GRID1: variants seen among roughly 807,000 people sequenced by gnomAD.
The protein encoded by GRID1 is glutamate receptor ionotropic, delta-1.
In GRID1, 28 loss-of-function variants were observed where a neutral mutation model predicts 98.0. The ratio of observed to expected loss-of-function variants is 0.29; its 90% CI spans 0.21 to 0.39. The LOEUF (loss-of-function observed/expected upper bound fraction) is 0.39, where lower values mean the gene tolerates loss of function less well. Among genes scored for constraint, GRID1 ranks in the 10% least tolerant of loss-of-function variants. The pLI is 1.00. For synonymous variants in GRID1, 553 were observed against 538.5 expected, an observed-to-expected ratio of 1.03 and a Z score of -0.37; for missense variants, 1,111 against 1,340.5, an observed-to-expected ratio of 0.83 and a Z score of 2.67.
intron 2 of GRID1, among the ~76,000 whole-genome samples, chr10:86,232,491 T>C (rs1846472103): frequency 1.3e-5 from 2 of 152,212 alleles, no homozygotes; most frequent in Non-Finnish European, 2.9e-5. Flanking sequence ...CCTCTCCTGT[T>C]GTATTTCCCA....
intron 8 of GRID1, among the ~76,000 whole-genome samples, chr10:85,738,072 C>T (rs1047133760): frequency 1.3e-5 from 2 of 152,046 alleles, no homozygotes; most frequent in African/African-American, 4.8e-5. Flanking sequence ...CTCTTCTCCA[C>T]CAAACCTCCA....
chr10:85,886,962 A>G (rs190645193), intron 5 of GRID1, among the ~76,000 whole-genome samples: 1 of 152,344 alleles, frequency 6.6e-6, no homozygotes, highest in East Asian at 1.9e-4. Flanking sequence ...TCTATCAAAC[A>G]TCTGTGTGAT....
chr10:85,734,254 G>T (rs1841855580), intron 8 of GRID1, among the ~76,000 whole-genome samples: 1 of 152,136 alleles, frequency 6.6e-6, no homozygotes. Flanking sequence ...TGAGTTGGGA[G>T]ATAGGAAGTG....
chr10:85,985,450 AG>A lies in GRID1; in HGVS notation c.727-69212del, dbSNP rs138645394. Among the ~76,000 whole-genome samples the A allele has an allele frequency of 8.3e-3, 1,258 of 152,326 alleles. 23 individuals carry two copies. Among genetic ancestry groups the A allele is most frequent in the African/African-American group, 0.028 (1,178 of 41,574 alleles). The stretch of plus-strand genomic sequence containing the variant: ...TGAATTTGATCGATAAATTAGGAGC[AG>A]CCCCTGTGAATCTAACTAGACGGTC... On this transcript the variant is annotated intron_variant, in intron 4 of 15. Transcript: ENST00000327946.
At chr10:86,310,834 C>T (rs531811626) in intron 2 of GRID1, among the ~76,000 whole-genome samples, 2 of 152,314 alleles carry the variant, frequency 1.3e-5, no homozygotes, top group Admixed American at 1.3e-4. Flanking sequence ...GAATTTACAA[C>T]TTGGCTGTCT....
At chr10:86,275,990 GA>G (rs1044621610) in intron 2 of GRID1, among the ~76,000 whole-genome samples, 5 of 152,166 alleles carry the variant, frequency 3.3e-5, no homozygotes, top group African/African-American at 1.2e-4. Context: ...TCAAACTACT[GA>G]AAGACAAAGA....
intron 12 of GRID1, among the ~76,000 whole-genome samples, chr10:85,684,904 A>T (rs1039300300): frequency 6.6e-6 from 1 of 152,182 alleles, no homozygotes; most frequent in Non-Finnish European, 1.5e-5. Context: ...TTACAAGGCC[A>T]CAGTCATTTT....
chr10:85,742,440 A>T (rs899634221), intron 8 of GRID1, among the ~76,000 whole-genome samples: 1 of 152,174 alleles, frequency 6.6e-6, no homozygotes, highest in African/African-American at 2.4e-5. Context: ...TACCTTTATT[A>T]TATTGTTCCC....
At chr10:85,962,808 T>C (rs1423793639) in intron 4 of GRID1, among the ~76,000 whole-genome samples, 1 of 152,174 alleles carries the variant, frequency 6.6e-6, no homozygotes, top group Non-Finnish European at 1.5e-5. Flanking sequence ...CCTTTCTTCC[T>C]AACCCTCTAC....
chr10:85,716,150 ACCAGTCTCAG>A (rs894775559), intron 12 of GRID1, among the ~76,000 whole-genome samples: 17 of 152,202 alleles, frequency 1.1e-4, no homozygotes, highest in Admixed American at 8.5e-4. Context: ...CAGGTGATTC[ACCAGTCTCAG>A]CCTCCCAAAG....
chr10:85,797,295 T>C (rs1009665473), intron 8 of GRID1, among the ~76,000 whole-genome samples: 1 of 152,200 alleles, frequency 6.6e-6, no homozygotes, highest in Non-Finnish European at 1.5e-5. Flanking sequence ...GTTACATGGG[T>C]ATTGAGCTCA....
chr10:86,163,294 G>T (rs950921822), intron 3 of GRID1, among the ~76,000 whole-genome samples: 9 of 152,194 alleles, frequency 5.9e-5, no homozygotes, highest in African/African-American at 2.2e-4. Flanking sequence ...GCCCAGGTGA[G>T]GCGCTCCATG....
At chr10:85,780,720 G>A (rs922187425) in intron 8 of GRID1, among the ~76,000 whole-genome samples, 1 of 152,216 alleles carries the variant, frequency 6.6e-6, no homozygotes, top group Non-Finnish European at 1.5e-5. Flanking sequence ...TTTCCACTCT[G>A]CCATGCTGTG....
chr10:85,626,335 C>T (rs1184952470), intron 13 of GRID1, among the ~76,000 whole-genome samples: 1 of 152,238 alleles, frequency 6.6e-6, no homozygotes, highest in Non-Finnish European at 1.5e-5. Context: ...TCTGTGCTGT[C>T]TCCTCTGCCC....
chr10:86,215,999 A>G (rs1846172518), intron 2 of GRID1, among the ~76,000 whole-genome samples: 1 of 151,940 alleles, frequency 6.6e-6, no homozygotes, highest in Non-Finnish European at 1.5e-5. Context: ...TCTAATCTCT[A>G]TCTTTGCACG....
chr10:86,236,490 G>A (rs1846541222), intron 2 of GRID1, among the ~76,000 whole-genome samples: 1 of 152,180 alleles, frequency 6.6e-6, no homozygotes, highest in Non-Finnish European at 1.5e-5. Flanking sequence ...ATCCCTAGAA[G>A]TCAAGGTCTG....
intron 2 of GRID1, among the ~76,000 whole-genome samples, chr10:86,246,140 T>C (rs560343005): frequency 3.9e-5 from 6 of 152,342 alleles, no homozygotes; most frequent in Admixed American, 2.6e-4. Context: ...CACCAGAATC[T>C]GGGAACCAGG....
intron 2 of GRID1, among the ~76,000 whole-genome samples, chr10:86,210,878 G>T (rs1161701021): frequency 6.6e-6 from 1 of 152,258 alleles, no homozygotes; most frequent in East Asian, 1.9e-4. Flanking sequence ...AATCAAGGTT[G>T]TGTGTGATGG....
intron 14 of GRID1, among the ~76,000 whole-genome samples, chr10:85,618,210 C>T (rs1472951945): frequency 6.6e-6 from 1 of 152,198 alleles, no homozygotes; most frequent in Non-Finnish European, 1.5e-5. Flanking sequence ...GCAGTGTGAG[C>T]ACACGGGGAC....
Sources: allele counts gnomAD v4.1 joint callset (sites outside exome capture counted in the v4.1 genomes callset), GRCh38; gene constraint gnomAD v4.1.1; transcripts MANE v1.5; gene names NCBI Gene and HGNC (gene_info 2026-07-23, HGNC 2026-07-21).